The following FAM13A variants were observed in gnomAD, a reference collection of about 807,000 sequenced individuals.
FAM13A encodes the protein protein FAM13A.
A neutral mutation model predicts 129.6 loss-of-function variants in FAM13A; 76 were observed. That is an observed-to-expected ratio of 0.59 (90% confidence interval 0.49 to 0.71). The LOEUF is 0.71. FAM13A is among the 30% of genes least tolerant of loss of function. The pLI, the probability that FAM13A is intolerant of heterozygous loss-of-function variation, is 0.00. For missense variants in FAM13A, 1,108 were observed against 1,249.3 expected, an observed-to-expected ratio of 0.89 and a Z score of 1.70; for synonymous variants, 443 against 449.9, an observed-to-expected ratio of 0.98 and a Z score of 0.20.
intron 5 of FAM13A, among the ~76,000 whole-genome samples, chr4:88,929,302 C>G (rs767514792): frequency 6.6e-6 from 1 of 151,758 alleles, no homozygotes; most frequent in East Asian, 1.9e-4. Context: ...AGACTTTTTT[C>G]TCTGGCTAAT....
At chr4:88,881,359 A>G (rs1263400287) in intron 6 of FAM13A, among the ~76,000 whole-genome samples, 1 of 152,218 alleles carries the variant, frequency 6.6e-6, no homozygotes, top group Non-Finnish European at 1.5e-5. Flanking sequence ...CTGGGTGGCT[A>G]GATCCAGAAA....
At chr4:88,973,131 A>ATTTTT (rs70959640) in intron 4 of FAM13A, among the ~76,000 whole-genome samples, 1 of 134,480 alleles carries the variant, frequency 7.4e-6, no homozygotes, top group African/African-American at 2.8e-5. Flanking sequence ...CCTAGGCATA[A>ATTTTT]TTTTTTTTTT....
At chr4:88,981,139 C>G (rs933925738) in intron 4 of FAM13A, among the ~76,000 whole-genome samples, 3 of 117,818 alleles carry the variant, frequency 2.5e-5, no homozygotes, top group Admixed American at 1.8e-4. Context: ...ATTAATTTAC[C>G]TATCTATAGA....
At chr4:88,860,688 C>A (rs184954148) in intron 6 of FAM13A, among the ~76,000 whole-genome samples, 179 of 152,270 alleles carry the variant, frequency 1.2e-3, no homozygotes, top group African/African-American at 3.9e-3. Context: ...AAAACAAATG[C>A]CATTTATTCC....
At chr4:88,937,939 GAAT>G in intron 5 of FAM13A, 146 bp downstream of exon 5, 1 of 602,014 alleles carries the variant, frequency 1.7e-6, no homozygotes, top group East Asian at 2.8e-5. Context: ...TAAGCATTTG[GAAT>G]AATAGATTTC....
At chr4:88,905,925 A>G (rs1748069380) in intron 6 of FAM13A, among the ~76,000 whole-genome samples, 1 of 152,176 alleles carries the variant, frequency 6.6e-6, no homozygotes, top group South Asian at 2.1e-4. Flanking sequence ...CCCTGAAAAA[A>G]CAAACAAATA....
At chr4:89,035,180 G>GA (rs1306185014) in intron 1 of FAM13A, among the ~76,000 whole-genome samples, 1 of 152,020 alleles carries the variant, frequency 6.6e-6, no homozygotes, top group African/African-American at 2.4e-5. Context: ...ACTGGGTACA[G>GA]AAAAAGGGAG....
At chr4:88,908,896 G>A (rs927876361) in intron 5 of FAM13A, among the ~76,000 whole-genome samples, 1 of 152,234 alleles carries the variant, frequency 6.6e-6, no homozygotes, top group South Asian at 2.1e-4. Flanking sequence ...AGAGCCACAG[G>A]ACACAGGTAA....
At chr4:88,829,749 C>T (rs975011981) in intron 7 of FAM13A, among the ~76,000 whole-genome samples, 3 of 151,984 alleles carry the variant, frequency 2.0e-5, no homozygotes, top group South Asian at 2.1e-4. Flanking sequence ...CAGAGGAGTG[C>T]GTGTAGGTAA....
intron 1 of FAM13A, among the ~76,000 whole-genome samples, chr4:89,039,621 G>T (rs374132385): frequency 6.6e-6 from 1 of 152,124 alleles, no homozygotes; most frequent in Admixed American, 6.6e-5. Flanking sequence ...ATTAGGCCAG[G>T]TGTGGTGGCT....
At chr4:88,974,849 G>C (rs184403229) in intron 4 of FAM13A, among the ~76,000 whole-genome samples, 1 of 152,124 alleles carries the variant, frequency 6.6e-6, no homozygotes, top group Non-Finnish European at 1.5e-5. Flanking sequence ...TGAAATACAA[G>C]CTAGTTCTCG....
intron 6 of FAM13A, among the ~76,000 whole-genome samples, chr4:88,872,833 T>C (rs1741664575): frequency 6.6e-6 from 1 of 152,172 alleles, no homozygotes; most frequent in Admixed American, 6.5e-5. Context: ...CAACAGAATA[T>C]ACATTCTTCT....
chr4:88,858,831 A>G (rs1394382832), intron 6 of FAM13A, among the ~76,000 whole-genome samples: 5 of 152,230 alleles, frequency 3.3e-5, no homozygotes, highest in Non-Finnish European at 5.9e-5. Context: ...AACTTTGTAA[A>G]TACATGAAAA....
intron 4 of FAM13A, among the ~76,000 whole-genome samples, chr4:88,952,835 C>CTACT (rs1309582482): frequency 2.0e-5 from 3 of 152,016 alleles, no homozygotes; most frequent in Non-Finnish European, 4.4e-5. Flanking sequence ...GTAATCCCAG[C>CTACT]TACTCAGGAG....
intron 2 of FAM13A, 35 bp from the exon 3 acceptor site, chr4:89,020,704 G>A: frequency 7.2e-7 from 1 of 1,396,980 alleles, no homozygotes; most frequent in Non-Finnish European, 1.0e-6. Context: ...AAATAAATAG[G>A]TTTCTCACAG....
chr4:88,900,300 CAGTAAGA>C (rs1747079241), intron 6 of FAM13A, among the ~76,000 whole-genome samples: 1 of 152,014 alleles, frequency 6.6e-6, no homozygotes, highest in Admixed American at 6.6e-5. Context: ...CAGAGAACCT[CAGTAAGA>C]TACTCCATGA....
At chr4:89,031,584 G>A (rs915606171) in intron 1 of FAM13A, among the ~76,000 whole-genome samples, 4 of 152,188 alleles carry the variant, frequency 2.6e-5, no homozygotes, top group Admixed American at 1.3e-4. Flanking sequence ...TACTCATTGA[G>A]TACTGATTGT....
intron 5 of FAM13A, among the ~76,000 whole-genome samples, chr4:88,923,391 G>T (rs1193198355): frequency 1.3e-5 from 2 of 152,258 alleles, no homozygotes; most frequent in Middle Eastern, 3.4e-3. Flanking sequence ...TGCAAGGCTG[G>T]TTCAACAAAC....
intron 3 of FAM13A, among the ~76,000 whole-genome samples, chr4:89,011,387 T>A (rs766183166): frequency 6.6e-6 from 1 of 152,158 alleles, no homozygotes; most frequent in Non-Finnish European, 1.5e-5. Flanking sequence ...TACAACAATT[T>A]AAAAAATTTT....
Sources: allele counts gnomAD v4.1 joint callset (sites outside exome capture counted in the v4.1 genomes callset), GRCh38; gene constraint gnomAD v4.1.1; transcripts MANE v1.5; gene names NCBI Gene and HGNC (gene_info 2026-07-23, HGNC 2026-07-21).